Variants in GPC5 observed in about 807,000 individuals in gnomAD.
GPC5 encodes the protein glypican 5.
In GPC5, 47 loss-of-function variants were observed where a neutral mutation model predicts 53.9. The ratio of observed to expected loss-of-function variants is 0.87; its 90% CI spans 0.69 to 1.11. The LOEUF is 1.11. Among genes scored for constraint, GPC5 ranks in the 50% most tolerant of loss-of-function variants. The pLI is 0.00. For missense variants in GPC5, 748 were observed against 713.1 expected (o/e 1.05, Z -0.56); for synonymous variants, 286 against 263.3 (o/e 1.09, Z -0.84).
intron 7 of GPC5, among the ~76,000 whole-genome samples, chr13:92,584,807 C>G (rs895616460): frequency 1.3e-5 from 2 of 152,032 alleles, no homozygotes; most frequent in African/African-American, 4.8e-5. Flanking sequence ...TACCCTGAAT[C>G]CCAGTCACTC....
chr13:92,626,609 T>C (rs1885054067), intron 7 of GPC5, among the ~76,000 whole-genome samples: 2 of 152,210 alleles, frequency 1.3e-5, no homozygotes, highest in African/African-American at 2.4e-5. Flanking sequence ...TGAGTCTCTT[T>C]TTAGAGCCTC....
chr13:92,224,195 G>A (rs895019674), intron 7 of GPC5, among the ~76,000 whole-genome samples: 9 of 152,092 alleles, frequency 5.9e-5, no homozygotes, highest in African/African-American at 1.9e-4. Flanking sequence ...TAAACTGAAT[G>A]TACTAGTCAG....
chr13:92,124,984 G>T (rs531263314), intron 6 of GPC5, among the ~76,000 whole-genome samples: 1 of 152,088 alleles, frequency 6.6e-6, no homozygotes, highest in Non-Finnish European at 1.5e-5. Flanking sequence ...GTAATGCAGC[G>T]TTCCTTCCTT....
chr13:91,850,966 A>G (rs1229157544), intron 5 of GPC5, among the ~76,000 whole-genome samples: 1 of 152,186 alleles, frequency 6.6e-6, no homozygotes, highest in Non-Finnish European at 1.5e-5. Context: ...CAAGCTAGAC[A>G]CATACCTGCC....
chr13:91,903,544 G>A (rs1010568804), intron 5 of GPC5, among the ~76,000 whole-genome samples: 3 of 152,012 alleles, frequency 2.0e-5, no homozygotes, highest in Admixed American at 6.6e-5. Flanking sequence ...TATTTGAACT[G>A]TTCTGATGTG....
At chr13:92,126,711 C>T (rs1460566675) in intron 6 of GPC5, among the ~76,000 whole-genome samples, 4 of 152,030 alleles carry the variant, frequency 2.6e-5, no homozygotes, top group Admixed American at 2.6e-4. Context: ...TGGTCTCCAT[C>T]ATAAAATGGA....
At chr13:92,004,069 T>C (rs931903442) in intron 6 of GPC5, among the ~76,000 whole-genome samples, 5 of 152,194 alleles carry the variant, frequency 3.3e-5, no homozygotes, top group African/African-American at 1.2e-4. Flanking sequence ...ATTTTTCCTA[T>C]AGAATATTTC....
chr13:92,694,034 T>C (rs1887489320), intron 7 of GPC5, among the ~76,000 whole-genome samples: 1 of 152,140 alleles, frequency 6.6e-6, no homozygotes, highest in Non-Finnish European at 1.5e-5. Context: ...GGGGCCCAGG[T>C]GCAACTGGGG....
At chr13:92,398,885 C>A (rs964134770) in intron 7 of GPC5, among the ~76,000 whole-genome samples, 2 of 152,116 alleles carry the variant, frequency 1.3e-5, no homozygotes, top group Admixed American at 6.6e-5. Flanking sequence ...GAATCTACTG[C>A]TATAATCTCT....
intron 5 of GPC5, among the ~76,000 whole-genome samples, chr13:91,869,267 G>A (rs1335779928): frequency 6.6e-6 from 1 of 151,878 alleles, no homozygotes; most frequent in African/African-American, 2.4e-5. Flanking sequence ...CACCATGTTG[G>A]CCAGGCTGGT....
chr13:92,215,447 A>T (rs1348910404), intron 7 of GPC5, among the ~76,000 whole-genome samples: 1 of 152,210 alleles, frequency 6.6e-6, no homozygotes, highest in Non-Finnish European at 1.5e-5. Flanking sequence ...CAAAGGAATC[A>T]AGTAGAAAGT....
At chr13:92,795,910 G>T (rs1486853779) in intron 7 of GPC5, among the ~76,000 whole-genome samples, 1 of 152,128 alleles carries the variant, frequency 6.6e-6, no homozygotes, top group East Asian at 1.9e-4. Context: ...TTACACTGTT[G>T]GTGGGACTGT....
chr13:92,259,872 A>G (rs796559345), intron 7 of GPC5, among the ~76,000 whole-genome samples: 107 of 151,848 alleles, frequency 7.0e-4, no homozygotes, highest in African/African-American at 2.5e-3. Flanking sequence ...AGGCTCTATC[A>G]CCCTCTAAGT....
intron 7 of GPC5, among the ~76,000 whole-genome samples, chr13:92,155,971 A>G (rs2041942175): frequency 6.6e-6 from 1 of 152,174 alleles, no homozygotes; most frequent in African/African-American, 2.4e-5. Context: ...GTGAGATTTG[A>G]TCTCAAAACA....
chr13:92,027,291 A>G (rs1211916906), intron 6 of GPC5, among the ~76,000 whole-genome samples: 2 of 152,164 alleles, frequency 1.3e-5, no homozygotes, highest in Non-Finnish European at 2.9e-5. Flanking sequence ...CTGCCTGTAC[A>G]TTGTACATTA....
At position 92,691,567 on chromosome 13, in the gene GPC5, T is replaced by C. The variant is rs189868026; in HGVS notation, c.1562-174715T>C. Among the ~76,000 whole-genome samples the C allele has an allele frequency of 1.6e-3, 246 of 152,250 alleles. 1 individual carries two copies. The highest frequency in any genetic ancestry group is 2.5e-3 in the Admixed American group (39 of 15,302). Reference sequence around the variant, plus strand: ...GGGAGCTGTAGACCGGAGCTGTTCCTATTCGGCCATCTTGGCTCCTCCCTC... The same window carrying C: ...GGGAGCTGTAGACCGGAGCTGTTCCCATTCGGCCATCTTGGCTCCTCCCTC... On this transcript the variant is annotated intron_variant, in intron 7 of 7. Transcript: ENST00000377067.
In GPC5 at chr13:92,118,441, C is replaced by T. The variant is rs186379935; in HGVS notation, c.1402-26389C>T. On this transcript the variant is annotated intron_variant, in intron 6 of 7. Coordinates refer to ENST00000377067, the MANE Select transcript of GPC5 (RefSeq NM_004466.6). The stretch of plus-strand genomic sequence containing the variant: ...TGATGATGAGAGAGATTCTCTCTCT[C>T]GAAGTTCTAAGTGCCTGTGCATTGC... Among the ~76,000 whole-genome samples, 18 of 152,202 alleles carry T rather than the reference C, an allele frequency of 1.2e-4. No individual in the cohort carries two copies. In the East Asian group the frequency reaches 3.3e-3, roughly 28 times the overall value.
chr13:92,218,745 G>A (rs140503776), intron 7 of GPC5, among the ~76,000 whole-genome samples: 1 of 152,284 alleles, frequency 6.6e-6, no homozygotes, highest in African/African-American at 2.4e-5. Flanking sequence ...AAGCCCAGTA[G>A]TGTGATTCAC....
intron 5 of GPC5, among the ~76,000 whole-genome samples, chr13:91,780,898 T>C (rs2037787485): frequency 6.6e-6 from 1 of 152,212 alleles, no homozygotes; most frequent in Admixed American, 6.5e-5. Context: ...TTATTCTTAG[T>C]TCACATGTAG....
Sources: allele counts gnomAD v4.1 joint callset (sites outside exome capture counted in the v4.1 genomes callset), GRCh38; gene constraint gnomAD v4.1.1; transcripts MANE v1.5; gene names NCBI Gene and HGNC (gene_info 2026-07-23, HGNC 2026-07-21).